EVA1C: variants seen among roughly 807,000 people sequenced by gnomAD.
EVA1C encodes eva-1 homolog C.
EVA1C carries 25 observed loss-of-function variants against 45.4 expected under a neutral mutation model. That is an observed-to-expected ratio of 0.55 (90% CI 0.40 to 0.77). The LOEUF is 0.77. Among genes scored for constraint, EVA1C ranks in the 30% least tolerant of loss-of-function variants. The pLI, the probability that EVA1C is intolerant of heterozygous loss-of-function variation, is 0.00. For synonymous variants in EVA1C, 190 were observed against 221.2 expected, an observed-to-expected ratio of 0.86 and a Z score of 1.25; for missense variants, 479 against 554.8, an observed-to-expected ratio of 0.86 and a Z score of 1.37.
chr21:32,478,412 G>A (rs2036660632), intron 4 of EVA1C, among the ~76,000 whole-genome samples: 1 of 152,004 alleles, frequency 6.6e-6, no homozygotes, highest in Admixed American at 6.6e-5. Context: ...GTAAAGACGG[G>A]GTTTCACCAT....
chr21:32,456,968 G>A (rs949969066), intron 2 of EVA1C, among the ~76,000 whole-genome samples: 3 of 152,190 alleles, frequency 2.0e-5, no homozygotes, highest in Non-Finnish European at 4.4e-5. Context: ...TCAACAGAAA[G>A]TCTGAGTGTT....
At chr21:32,463,507 A>G (rs2036072094) in intron 3 of EVA1C, among the ~76,000 whole-genome samples, 2 of 152,236 alleles carry the variant, frequency 1.3e-5, no homozygotes, top group Non-Finnish European at 1.5e-5. Flanking sequence ...GTGACTCAAC[A>G]TAACACAACA....
At chr21:32,439,064 C>T (rs1264493504) in intron 1 of EVA1C, among the ~76,000 whole-genome samples, 1 of 151,390 alleles carries the variant, frequency 6.6e-6, no homozygotes, top group Non-Finnish European at 1.5e-5. Context: ...GGTGAAACTC[C>T]GTCTCTACCT....
intron 6 of EVA1C, among the ~76,000 whole-genome samples, chr21:32,501,983 CTTTTCTT>C (rs1200115599): frequency 5.8e-5 from 8 of 139,006 alleles, no homozygotes; most frequent in Non-Finnish European, 9.3e-5. Context: ...CTCTCTCGCT[CTTTTCTT>C]TCTTTCTTTC....
chr21:32,505,754 GAGAGAC>G (rs1227576456), intron 7 of EVA1C, among the ~76,000 whole-genome samples: 1 of 152,198 alleles, frequency 6.6e-6, no homozygotes, highest in Non-Finnish European at 1.5e-5. Flanking sequence ...CAGAGAGGGG[GAGAGAC>G]AGAGACAGAG....
At chr21:32,454,568 G>A (rs1239689635) in intron 2 of EVA1C, among the ~76,000 whole-genome samples, 1 of 151,520 alleles carries the variant, frequency 6.6e-6, no homozygotes, top group Non-Finnish European at 1.5e-5. Context: ...TATATAACTA[G>A]TTGACCAGGA....
chr21:32,458,971 G>A (rs1177314446), intron 3 of EVA1C, among the ~76,000 whole-genome samples: 5 of 151,928 alleles, frequency 3.3e-5, no homozygotes, highest in African/African-American at 7.3e-5. Flanking sequence ...AAACCCCCCC[G>A]ATCTCTTCAG....
intron 1 of EVA1C, among the ~76,000 whole-genome samples, chr21:32,439,463 T>C (rs1365465878): frequency 6.6e-6 from 1 of 152,190 alleles, no homozygotes; most frequent in Non-Finnish European, 1.5e-5. Flanking sequence ...CGTATTTCTT[T>C]ACATTTGCTG....
chr21:32,440,852 G>A (rs1222793639), intron 1 of EVA1C, among the ~76,000 whole-genome samples: 1 of 152,196 alleles, frequency 6.6e-6, no homozygotes, highest in Non-Finnish European at 1.5e-5. Context: ...TGTAATCCCA[G>A]CACTTTGGGA....
At chr21:32,482,850 T>C (rs2036835738) in intron 4 of EVA1C, among the ~76,000 whole-genome samples, 1 of 11,340 alleles carries the variant, frequency 8.8e-5, no homozygotes. Flanking sequence ...CCCAGTGTTA[T>C]TCCCTTTTTT....
At chr21:32,433,168 C>T (rs1308542898) in intron 1 of EVA1C, 1 of 152,360 alleles carries the variant, frequency 6.6e-6, no homozygotes, top group East Asian at 1.9e-4. Flanking sequence ...GTGATGCTTC[C>T]CACTTCAAAG....
intron 7 of EVA1C, among the ~76,000 whole-genome samples, chr21:32,508,838 T>A (rs779869986): frequency 1.3e-5 from 2 of 152,152 alleles, no homozygotes; most frequent in African/African-American, 2.4e-5. Context: ...AAAGGAGCCT[T>A]AAAGGCCATA....
chr21:32,440,081 C>G (rs1370807209), intron 1 of EVA1C, among the ~76,000 whole-genome samples: 1 of 152,016 alleles, frequency 6.6e-6, no homozygotes, highest in Non-Finnish European at 1.5e-5. Context: ...GTCTGTTTGT[C>G]GAGCTCTGTT....
rs111835636 is a variant in EVA1C at position 32,474,254 on chromosome 21, G to A, written c.634+6406G>A. ...TTAAACCAGAGCACACCGCACCTCC[G>A]CTTAAAGCCCTCCACTCTGCACACT... On this transcript the variant is annotated intron_variant, in intron 4 of 7. Coordinates refer to ENST00000300255, the MANE Select transcript of EVA1C (RefSeq NM_058187.5). The surrounding 1 kb of genome is among the most constrained non-coding windows in gnomAD (Gnocchi z 4.4). Among the ~76,000 whole-genome samples, 1,275 of 152,268 alleles carry A rather than the reference G, an allele frequency of 8.4e-3. 13 individuals are homozygous for A. The highest frequency in any genetic ancestry group is 0.028 in the African/African-American group (1,161 of 41,540).
intron 5 of EVA1C, among the ~76,000 whole-genome samples, chr21:32,500,190 ATTTTTT>A (rs538897939): frequency 0.031 from 2,819 of 91,108 alleles, 43 homozygotes; most frequent in Middle Eastern, 0.11. Flanking sequence ...TAACCACCCT[ATTTTTT>A]TTTTTTTTTT....
intron 5 of EVA1C, among the ~76,000 whole-genome samples, chr21:32,496,031 A>G (rs915658163): frequency 6.6e-6 from 1 of 152,234 alleles, no homozygotes; most frequent in Non-Finnish European, 1.5e-5. Flanking sequence ...TACAGCATAC[A>G]AATCAGTGGT....
intron 4 of EVA1C, among the ~76,000 whole-genome samples, chr21:32,491,055 G>C (rs1324968013): frequency 7.9e-5 from 12 of 152,230 alleles, no homozygotes; most frequent in Non-Finnish European, 2.9e-5. Flanking sequence ...CATGAGGTGA[G>C]AGCAATACAC....
intron 3 of EVA1C, among the ~76,000 whole-genome samples, chr21:32,463,082 C>T (rs895709830): frequency 6.6e-6 from 1 of 152,150 alleles, no homozygotes; most frequent in African/African-American, 2.4e-5. Flanking sequence ...ACTGTTGTAT[C>T]GAAAAGAAGC....
chr21:32,470,508 T>A (rs2036331274), intron 4 of EVA1C, among the ~76,000 whole-genome samples: 1 of 152,208 alleles, frequency 6.6e-6, no homozygotes, highest in Non-Finnish European at 1.5e-5. Context: ...CCATTGTCCA[T>A]TAATGACACT....
Sources: gnomAD v4.1 joint callset for allele counts (sites outside exome capture counted in the v4.1 genomes callset) on GRCh38, gnomAD v4.1.1 for gene constraint, Gnocchi (gnomAD v3.1) non-coding constraint, MANE v1.5 for transcripts, NCBI Gene and HGNC (gene_info 2026-07-23, HGNC 2026-07-21) for gene names.